The following NRG3 variants were observed in gnomAD, a reference collection of about 807,000 sequenced individuals.
NRG3 encodes the protein neuregulin 3, also known as pro-neuregulin-3, membrane-bound isoform.
A neutral mutation model predicts 66.9 loss-of-function variants in NRG3; 31 were observed. The ratio of observed to expected loss-of-function variants is 0.46; its 90% CI spans 0.35 to 0.63. The LOEUF (loss-of-function observed/expected upper bound fraction) is 0.63. Among genes scored for constraint, NRG3 ranks in the 20% least tolerant of loss-of-function variants. The probability of loss-of-function intolerance (pLI) is 0.00; values close to 1 mark genes in which losing one functional copy is unlikely to be tolerated. For synonymous variants in NRG3, 393 were observed against 359.4 expected (o/e 1.09, Z -1.06); for missense variants, 910 against 878.9 (o/e 1.04, Z -0.45).
intron 1 of NRG3, among the ~76,000 whole-genome samples, chr10:81,932,923 A>G (rs1847511326): frequency 2.6e-5 from 4 of 152,064 alleles, no homozygotes; most frequent in Admixed American, 2.6e-4. Context: ...CCTGGCCAAG[A>G]TGGTGAAACC....
chr10:82,211,442 G>T (rs1403496235), intron 1 of NRG3, among the ~76,000 whole-genome samples: 1 of 152,122 alleles, frequency 6.6e-6, no homozygotes, highest in South Asian at 2.1e-4. Context: ...CTTTCATTTT[G>T]TTTGTTTTGC....
intron 4 of NRG3, among the ~76,000 whole-genome samples, chr10:82,889,572 G>A (rs996092417): frequency 6.6e-6 from 1 of 152,172 alleles, no homozygotes; most frequent in Non-Finnish European, 1.5e-5. Flanking sequence ...AAATTCCAAA[G>A]TTAGAATGGT....
At chr10:82,430,392 G>A (rs2089724671) in intron 2 of NRG3, among the ~76,000 whole-genome samples, 1 of 151,898 alleles carries the variant, frequency 6.6e-6, no homozygotes, top group South Asian at 2.1e-4. Context: ...CACATAGCTG[G>A]GACTACAGGC....
chr10:82,719,778 A>G (rs970869181), intron 2 of NRG3, among the ~76,000 whole-genome samples: 2 of 152,050 alleles, frequency 1.3e-5, no homozygotes, highest in Non-Finnish European at 2.9e-5. Flanking sequence ...GCTTCTTGCC[A>G]CTTCTTCAGC....
In NRG3 at chr10:82,300,995, AAAG is replaced by A. The variant is rs200413414; in HGVS notation, c.824-57741_824-57739del. On this transcript the variant is annotated intron_variant, in intron 1 of 8. Coordinates refer to ENST00000372141, the MANE Select transcript of NRG3 (RefSeq NM_001010848.4). ...TTTAAAAAGAAGAAGAAGAAGAAAA[AAAG>A]AAAACAACTTTTAAAGATAATGTTC... Among the ~76,000 whole-genome samples the A allele has an allele frequency of 6.4e-4, 97 of 152,276 alleles. No individual in the cohort carries two copies. In the East Asian group the frequency reaches 0.016, roughly 26 times the overall value.
intron 2 of NRG3, 140 bp from the exon 3 acceptor site, chr10:82,738,437 A>G (rs1157065655): frequency 7.2e-6 from 5 of 689,712 alleles, no homozygotes; most frequent in African/African-American, 5.3e-5. Context: ...TGTTGAGGTC[A>G]GAAACAGACT....
intron 4 of NRG3, among the ~76,000 whole-genome samples, chr10:82,942,515 A>G (rs913298601): frequency 1.3e-5 from 2 of 152,222 alleles, no homozygotes; most frequent in African/African-American, 4.8e-5. Flanking sequence ...AAGGACAAAG[A>G]GCACAATTTA....
At chr10:82,601,574 T>C (rs2047631092) in intron 2 of NRG3, among the ~76,000 whole-genome samples, 4 of 152,130 alleles carry the variant, frequency 2.6e-5, no homozygotes. Context: ...TGGCAATCTA[T>C]TAGAATCTTA....
Position 82,037,480 on chromosome 10 carries a change from T to A in NRG3, c.823+161317T>A, listed in dbSNP as rs577295964. ...AAAAATTAAGAGAGGCTGTATCCTG[T>A]CCCTGATCCAAGGTAGGAAGAAAAT... On this transcript the variant is annotated intron_variant, in intron 1 of 8. Coordinates refer to ENST00000372141, the MANE Select transcript of NRG3 (RefSeq NM_001010848.4). Among the ~76,000 whole-genome samples the A allele has an allele frequency of 7.9e-5, 12 of 152,314 alleles. No homozygotes were observed. The South Asian group carries it at 2.5e-3, about 32-fold the overall frequency.
intron 1 of NRG3, among the ~76,000 whole-genome samples, chr10:82,003,437 G>A (rs1041609510): frequency 6.6e-6 from 1 of 152,132 alleles, no homozygotes; most frequent in African/African-American, 2.4e-5. Flanking sequence ...AAGAGGATGG[G>A]TTCCAGGACT....
intron 1 of NRG3, among the ~76,000 whole-genome samples, chr10:82,029,316 T>A (rs2132859150): frequency 6.6e-6 from 1 of 152,270 alleles, no homozygotes; most frequent in South Asian, 2.1e-4. Flanking sequence ...ATTCCTTCCT[T>A]TGTAAAAATA....
intron 2 of NRG3, among the ~76,000 whole-genome samples, chr10:82,571,052 A>G (rs965949887): frequency 6.6e-6 from 1 of 151,462 alleles, no homozygotes; most frequent in African/African-American, 2.4e-5. Flanking sequence ...CCTCGACTCA[A>G]TTTATTATAA....
chr10:82,899,569 C>A (rs754771690), intron 4 of NRG3, among the ~76,000 whole-genome samples: 11 of 152,146 alleles, frequency 7.2e-5, no homozygotes, highest in Non-Finnish European at 1.5e-4. Context: ...GTAGCTTTGT[C>A]AGCATGCACT....
intron 2 of NRG3, among the ~76,000 whole-genome samples, chr10:82,725,402 A>G (rs1401267326): frequency 6.6e-6 from 1 of 152,222 alleles, no homozygotes; most frequent in East Asian, 1.9e-4. Context: ...ATTGAAATTC[A>G]TATTCTACCC....
chr10:82,896,548 G>A (rs1843679501), intron 4 of NRG3, among the ~76,000 whole-genome samples: 1 of 152,182 alleles, frequency 6.6e-6, no homozygotes, highest in Non-Finnish European at 1.5e-5. Context: ...AGATTTTAAT[G>A]AGAAGAATGA....
At chr10:82,583,390 CTGTTGAAAATTAAAAT>C (rs1416514689) in intron 2 of NRG3, among the ~76,000 whole-genome samples, 2 of 152,122 alleles carry the variant, frequency 1.3e-5, no homozygotes, top group Non-Finnish European at 2.9e-5. Flanking sequence ...TCATTTTTCA[CTGTTGAAAATTAAAAT>C]TGTTAAGTAG....
chr10:82,249,526 A>G (rs1488111285), intron 1 of NRG3, among the ~76,000 whole-genome samples: 1 of 152,226 alleles, frequency 6.6e-6, no homozygotes, highest in Non-Finnish European at 1.5e-5. Context: ...TATTTGTTGA[A>G]TGAAAAAGAA....
intron 1 of NRG3, among the ~76,000 whole-genome samples, chr10:81,997,242 G>T (rs1325559181): frequency 1.3e-5 from 2 of 152,182 alleles, no homozygotes; most frequent in Non-Finnish European, 2.9e-5. Context: ...CTGTATCGCA[G>T]TTGACAGTTT....
intron 1 of NRG3, among the ~76,000 whole-genome samples, chr10:82,174,690 A>G (rs1011935186): frequency 2.0e-5 from 3 of 152,072 alleles, no homozygotes; most frequent in Admixed American, 6.6e-5. Context: ...GTCTTCCAGA[A>G]GACAGGATCT....
Sources: allele counts gnomAD v4.1 joint callset (sites outside exome capture counted in the v4.1 genomes callset), GRCh38; gene constraint gnomAD v4.1.1; transcripts MANE v1.5; gene names NCBI Gene and HGNC (gene_info 2026-07-23, HGNC 2026-07-21).